Variants in PCDH15 observed in about 807,000 individuals in gnomAD.
The protein encoded by PCDH15 is protocadherin-15.
A neutral mutation model predicts 178.5 loss-of-function variants in PCDH15; 129 were observed. The ratio of observed to expected loss-of-function variants is 0.72; its 90% CI spans 0.63 to 0.84. The LOEUF is 0.84. Among genes scored for constraint, PCDH15 ranks in the 40% least tolerant of loss-of-function variants. PCDH15 has a pLI of 0.00. For missense variants in PCDH15, 2,230 were observed against 2,099.9 expected (o/e 1.06, Z -1.21); for synonymous variants, 800 against 732.0 (o/e 1.09, Z -1.50).
chr10:54,129,692 G>A (rs1320462821), intron 15 of PCDH15, among the ~76,000 whole-genome samples: 1 of 152,080 alleles, frequency 6.6e-6, no homozygotes, highest in Non-Finnish European at 1.5e-5. Flanking sequence ...CGGTAAACAG[G>A]GGACTGGTTC....
At chr10:54,677,423 G>T (rs1025460053) in intron 1 of PCDH15, among the ~76,000 whole-genome samples, 1 of 152,162 alleles carries the variant, frequency 6.6e-6, no homozygotes. Context: ...GTAAATGGGG[G>T]TGTATGAAGT....
At chr10:53,896,080 AC>A (rs1353442759) in intron 26 of PCDH15, among the ~76,000 whole-genome samples, 1 of 152,184 alleles carries the variant, frequency 6.6e-6, no homozygotes, top group Non-Finnish European at 1.5e-5. Context: ...GTTTAAATTT[AC>A]TTGTTTTATT....
chr10:53,868,471 T>C (rs12776854), intron 26 of PCDH15, among the ~76,000 whole-genome samples: 4,976 of 152,246 alleles, frequency 0.033, 126 homozygotes, highest in East Asian at 0.048. Flanking sequence ...GATAGAAATG[T>C]TCTTAACCAG....
intron 14 of PCDH15, among the ~76,000 whole-genome samples, chr10:54,133,309 T>C (rs1175136807): frequency 2.0e-5 from 3 of 152,232 alleles, no homozygotes; most frequent in South Asian, 2.1e-4. Context: ...GACTTCTGAC[T>C]TTGTTTTTAA....
intron 2 of PCDH15, among the ~76,000 whole-genome samples, chr10:55,001,013 C>G (rs1839783253): frequency 6.6e-6 from 1 of 152,190 alleles, no homozygotes; most frequent in African/African-American, 2.4e-5. Flanking sequence ...TAGACTCACA[C>G]ACTCTTTGAG....
At chr10:54,899,520 G>A (rs1009095038) in intron 2 of PCDH15, among the ~76,000 whole-genome samples, 24 of 118,460 alleles carry the variant, frequency 2.0e-4, no homozygotes, top group African/African-American at 7.4e-4. Context: ...TTTTTGAGAC[G>A]GAGTCTCACC....
At chr10:54,944,380 T>C (rs948697832) in intron 2 of PCDH15, among the ~76,000 whole-genome samples, 2 of 151,868 alleles carry the variant, frequency 1.3e-5, no homozygotes, top group African/African-American at 4.8e-5. Context: ...TATGCTGAGG[T>C]GTAAGATGAT....
At chr10:54,008,007 TAATAATATTTTATGGGCCTCAGTAGTATA>T (rs2092442334) in intron 20 of PCDH15, among the ~76,000 whole-genome samples, 1 of 152,152 alleles carries the variant, frequency 6.6e-6, no homozygotes. Flanking sequence ...AAAAAAAGGA[TAATAATATTTTATGGGCCTCAGTAGTATA>T]TACTAGAATT....
intron 2 of PCDH15, among the ~76,000 whole-genome samples, chr10:55,133,587 GA>G (rs1476201943): frequency 3.9e-5 from 6 of 152,000 alleles, no homozygotes; most frequent in Admixed American, 1.3e-4. Context: ...CTGATTTCTG[GA>G]TTCTTATGCC....
At chr10:55,469,854 T>C (rs1490340651) in intron 2 of PCDH15, among the ~76,000 whole-genome samples, 1 of 152,062 alleles carries the variant, frequency 6.6e-6, no homozygotes, top group Non-Finnish European at 1.5e-5. Flanking sequence ...TGTGCCATAC[T>C]TAGAAAAGCC....
At chr10:55,350,600 T>C (rs943996131) in intron 2 of PCDH15, among the ~76,000 whole-genome samples, 4 of 151,960 alleles carry the variant, frequency 2.6e-5, no homozygotes, top group Non-Finnish European at 4.4e-5. Context: ...AGTGTTCAAA[T>C]TGAGCATTCT....
intron 3 of PCDH15, among the ~76,000 whole-genome samples, chr10:54,402,739 A>T (rs1185976835): frequency 6.6e-6 from 1 of 151,976 alleles, no homozygotes; most frequent in Non-Finnish European, 1.5e-5. Context: ...CCCACATTAC[A>T]TTGAACTTAA....
chr10:55,416,258 A>G (rs1838481332), intron 2 of PCDH15, among the ~76,000 whole-genome samples: 1 of 151,766 alleles, frequency 6.6e-6, no homozygotes, highest in South Asian at 2.1e-4. Context: ...AAACAGAACA[A>G]CAAGAAAATA....
At chr10:54,752,800 T>TC (rs11411002) in intron 1 of PCDH15, among the ~76,000 whole-genome samples, 75,832 of 151,400 alleles carry the variant, frequency 0.5, 19,578 homozygotes, top group Middle Eastern at 0.67. Flanking sequence ...CTTCCACCTT[T>TC]CCCCCCTTGT....
intron 2 of PCDH15, among the ~76,000 whole-genome samples, chr10:55,421,083 A>C (rs180852876): frequency 1.6e-4 from 25 of 151,758 alleles, no homozygotes; most frequent in African/African-American, 5.8e-4. Flanking sequence ...AGTTGCAAAG[A>C]GGAAGGGGGT....
chr10:54,771,473 A>G lies in PCDH15; in HGVS notation c.-29+29452T>C, dbSNP rs75547370. ...ATCATTTCAAGGTTATTATCATAAG[A>G]CAAATCACTCTAAAATCTAATAGTT... is the stretch of plus-strand genomic sequence containing the variant. On this transcript the variant is annotated intron_variant, in intron 1 of 37. Coordinates refer to ENST00000644397, the MANE Select transcript of PCDH15 (RefSeq NM_001384140.1). Among the ~76,000 whole-genome samples, 564 of 152,256 alleles carry G rather than the reference A, an allele frequency of 3.7e-3. 20 individuals carry two copies. In the East Asian group the frequency reaches 0.095, roughly 26 times the overall value.
chr10:53,930,482 A>G (rs1188904603), intron 25 of PCDH15, among the ~76,000 whole-genome samples: 10 of 150,496 alleles, frequency 6.6e-5, no homozygotes, highest in African/African-American at 2.2e-4. Flanking sequence ...AAAAAAAAAA[A>G]AAAAGAAATA....
At chr10:55,275,305 C>T (rs533394484) in intron 1 of PCDH15, among the ~76,000 whole-genome samples, 1 of 151,584 alleles carries the variant, frequency 6.6e-6, no homozygotes, top group Non-Finnish European at 1.5e-5. Context: ...TTTAGTGTCT[C>T]TTGATTATTA....
chr10:55,403,566 C>A (rs1169284201), intron 2 of PCDH15, among the ~76,000 whole-genome samples: 2 of 151,798 alleles, frequency 1.3e-5, no homozygotes, highest in African/African-American at 2.4e-5. Flanking sequence ...AGGGGTCTAG[C>A]TTCCTTCTTT....
Sources: allele counts gnomAD v4.1 joint callset (sites outside exome capture counted in the v4.1 genomes callset), GRCh38; gene constraint gnomAD v4.1.1; transcripts MANE v1.5; gene names NCBI Gene and HGNC (gene_info 2026-07-23, HGNC 2026-07-21).